The following ZNF737 variants were observed in gnomAD, a reference collection of about 807,000 sequenced individuals.
ZNF737 encodes the protein zinc finger protein 102 (Y3).
Under a neutral mutation model 11.7 loss-of-function variants are expected in ZNF737, and 13 were observed. The observed-to-expected ratio is 1.11, with a 90% CI of 0.73 to 1.77. The LOEUF (loss-of-function observed/expected upper bound fraction) is 1.77. Among genes scored for constraint, ZNF737 ranks in the 40% most tolerant of loss-of-function variants. The pLI, the probability that ZNF737 is intolerant of heterozygous loss-of-function variation, is 0.00. For synonymous variants in ZNF737, 217 were observed against 216.2 expected (o/e 1.00, Z -0.03); for missense variants, 636 against 638.0 (o/e 1.00, Z 0.03).
At chr19:20,558,925 G>A (rs1288393392) in intron 1 of ZNF737, among the ~76,000 whole-genome samples, 1 of 152,184 alleles carries the variant, frequency 6.6e-6, no homozygotes, top group African/African-American at 2.4e-5. Flanking sequence ...GCTGACAAGG[G>A]AAATGTGGGA....
chr19:20,554,045 T>G (rs1186493604), intron 1 of ZNF737, among the ~76,000 whole-genome samples: 7 of 152,244 alleles, frequency 4.6e-5, no homozygotes, highest in African/African-American at 1.7e-4. Flanking sequence ...CATCAGTTCA[T>G]GTATTTTTCT....
At chr19:20,534,160 G>A (rs1967896053), downstream of ZNF737, among the ~76,000 whole-genome samples, 1 of 150,146 alleles carries the variant, frequency 6.7e-6, no homozygotes, top group Admixed American at 6.6e-5. Context: ...GTTGAACACT[G>A]AGCTGGGCCG....
At chr19:20,556,260 C>A (rs781839239) in intron 1 of ZNF737, among the ~76,000 whole-genome samples, 3 of 152,112 alleles carry the variant, frequency 2.0e-5, no homozygotes, top group Non-Finnish European at 4.4e-5. Context: ...CTGGCCTCAC[C>A]TTACAGTCAC....
chr19:20,535,929 T>C (rs1555753750), downstream of ZNF737: 1 of 273,526 alleles, frequency 3.7e-6, no homozygotes, highest in East Asian at 1.8e-4. Context: ...CCCTATAAGG[T>C]TTTTTGTCTG....
chr19:20,560,814 G>T (rs566749188), intron 1 of ZNF737, among the ~76,000 whole-genome samples: 1 of 152,206 alleles, frequency 6.6e-6, no homozygotes, highest in Admixed American at 6.5e-5. Context: ...AGAAAATACT[G>T]TAGAAACAGA....
At chr19:20,550,048 T>A (rs1366715701) in intron 3 of ZNF737, among the ~76,000 whole-genome samples, 1 of 152,104 alleles carries the variant, frequency 6.6e-6, no homozygotes, top group Non-Finnish European at 1.5e-5. Context: ...TTTCAGAGAT[T>A]ATGCAGTATA....
rs1297539483 is a variant in ZNF737, at chr19:20,542,452, G to A, written c.*2140C>T. On this transcript the variant is annotated 3_prime_UTR_variant, in exon 4 of 4. Transcript: ENST00000427401. ...TCTCCATGTTGGTCAGGCTGGTCTC[G>A]AACTCCTGACCTCAGGTGATCTGCC... The A allele has an allele frequency of 8.1e-6, 5 of 616,726 alleles. No homozygotes were observed. The highest frequency in any genetic ancestry group is 4.0e-5 in the African/African-American group (2 of 49,896). 38.2% of individuals were successfully genotyped at this position (616,726 alleles called of 1,614,324 possible). A position where few individuals can be genotyped will look rare whatever the true frequency, so the allele number is the denominator to read the frequency against.
In ZNF737 at chr19:20,540,427, ATTATC is replaced by A. The variant is rs1285021917; in HGVS notation, c.*4160_*4164del. On this transcript the variant is annotated 3_prime_UTR_variant, in exon 4 of 4. Coordinates refer to ENST00000427401, the MANE Select transcript of ZNF737 (RefSeq NM_001159293.2). ...GTGCAACAGACTGGTAATCCAGGGT[ATTATC>A]TTAGAATGTTGCCTACCCACCTAAA... is the stretch of plus-strand genomic sequence containing the variant. Among the ~76,000 whole-genome samples, 1 of 152,188 alleles carries A rather than the reference ATTATC, an allele frequency of 6.6e-6. No homozygotes were observed. The highest frequency in any genetic ancestry group is 1.5e-5 in the Non-Finnish European group (1 of 68,022).
intron 1 of ZNF737, among the ~76,000 whole-genome samples, chr19:20,564,392 A>G (rs1254877366): frequency 1.3e-5 from 2 of 152,218 alleles, no homozygotes; most frequent in Admixed American, 6.5e-5. Flanking sequence ...CTGTGGAAAT[A>G]TATTCATTGT....
chr19:20,544,836 T>A lies in ZNF737; in HGVS notation c.1367A>T (p.Glu456Val). The change falls in exon 4 of 4, where the codon GAA (glutamate) becomes GTA (valine). Residue 456 changes from glutamate to valine, a missense_variant. Coordinates refer to ENST00000427401, the MANE Select transcript of ZNF737 (RefSeq NM_001159293.2). ...IHTGEKPYKCEECGKAFNSSS... is the reference protein window; with the variant it reads ...IHTGEKPYKCVECGKAFNSSS... ...CGAGTTGAAGGCTTTGCCACATTCT[T>A]CACATTTGTAGGGTTTCTCTCCAGT... The A allele has an allele frequency of 6.2e-7, 1 of 1,613,872 alleles. No individual in the cohort carries two copies. Among genetic ancestry groups the A allele is most frequent in the Non-Finnish European group, 8.5e-7 (1 of 1,179,934 alleles).
At position 20,552,962 on chromosome 19, in the gene ZNF737, A is replaced by G. The variant is rs185803256; in HGVS notation, c.131-392T>C. Among the ~76,000 whole-genome samples, 798 of 150,884 alleles carry G rather than the reference A, an allele frequency of 5.3e-3. 26 individuals carry two copies. The highest frequency in any genetic ancestry group is 2.5e-3 in the Non-Finnish European group (171 of 67,604). On this transcript the variant is annotated intron_variant, in intron 2 of 3. Coordinates refer to ENST00000427401, the MANE Select transcript of ZNF737 (RefSeq NM_001159293.2). ...GGGAGGTGGATGTTTCAGTAAGCTG[A>G]GATCACACCACTGCACTCCAGCCTG...
intron 1 of ZNF737, among the ~76,000 whole-genome samples, chr19:20,555,925 A>ACT (rs1555761009): frequency 3.3e-5 from 5 of 152,152 alleles, no homozygotes; most frequent in African/African-American, 1.2e-4. Context: ...ATGCCTTTAA[A>ACT]GGTGTCAGTA....
In ZNF737 at chr19:20,539,274, A is replaced by G. The variant is rs1197984489; in HGVS notation, c.*5318T>C. The G allele has an allele frequency of 8.5e-5, 82 of 963,438 alleles. 1 individual carries two copies. Among genetic ancestry groups the G allele is most frequent in the Non-Finnish European group, 1.0e-4 (81 of 810,478 alleles). The allele number at this position is 963,438 out of a possible 1,614,324, so 59.7% of individuals were successfully genotyped here. On this transcript the variant is annotated 3_prime_UTR_variant, in exon 4 of 4. Coordinates refer to ENST00000427401, the MANE Select transcript of ZNF737 (RefSeq NM_001159293.2). Reference sequence around the variant, plus strand: ...CATTGCAGTGCAGCGTGAGTGACAGAGTGAGAATCCTTCTAAAAAAAAAAA... The same window carrying G: ...CATTGCAGTGCAGCGTGAGTGACAGGGTGAGAATCCTTCTAAAAAAAAAAA...
chr19:20,534,462 T>TATCTATC (rs1555753457), downstream of ZNF737, among the ~76,000 whole-genome samples: 4 of 118,696 alleles, frequency 3.4e-5, no homozygotes, highest in African/African-American at 1.1e-4. Context: ...AATATCTATC[T>TATCTATC]ATCTATCTAT....
intron 1 of ZNF737, among the ~76,000 whole-genome samples, chr19:20,554,449 G>T (rs1369988793): frequency 4.6e-5 from 7 of 152,276 alleles, no homozygotes; most frequent in Admixed American, 2.0e-4. Flanking sequence ...AAGGACAACT[G>T]CCAGATTAAA....
chr19:20,554,355 T>C (rs559798204), intron 1 of ZNF737, among the ~76,000 whole-genome samples: 1 of 152,362 alleles, frequency 6.6e-6, no homozygotes, highest in East Asian at 1.9e-4. Flanking sequence ...TGGAAGAGCC[T>C]GTTTTTCCCA....
chr19:20,533,807 G>C (rs1555753313), downstream of ZNF737, among the ~76,000 whole-genome samples: 2 of 150,040 alleles, frequency 1.3e-5, no homozygotes, highest in African/African-American at 2.5e-5. Context: ...AGCTGATCGG[G>C]ATCACCTGGG....
downstream of ZNF737, among the ~76,000 whole-genome samples, chr19:20,535,015 T>C (rs2122442623): frequency 6.7e-6 from 1 of 150,060 alleles, no homozygotes; most frequent in African/African-American, 2.5e-5. Flanking sequence ...ATTTATATAT[T>C]AAAATTAAAA....
At chr19:20,555,006 G>T (rs1311862010) in intron 1 of ZNF737, among the ~76,000 whole-genome samples, 1 of 141,016 alleles carries the variant, frequency 7.1e-6, no homozygotes, top group Admixed American at 7.2e-5. Context: ...GGGATTACAG[G>T]TGCCTGCCAC....
Sources: allele counts gnomAD v4.1 joint callset (sites outside exome capture counted in the v4.1 genomes callset), GRCh38; gene constraint gnomAD v4.1.1; transcripts MANE v1.5; gene names NCBI Gene and HGNC (gene_info 2026-07-23, HGNC 2026-07-21).